The following SCAPER variants were observed in gnomAD, a reference collection of about 807,000 sequenced individuals.
SCAPER encodes S phase cyclin A-associated protein in the endoplasmic reticulum.
In SCAPER, 98 loss-of-function variants were observed where a neutral mutation model predicts 182.2. That is an observed-to-expected ratio of 0.54 (90% CI 0.46 to 0.64). The LOEUF (loss-of-function observed/expected upper bound fraction) is 0.64, where lower values mean the gene tolerates loss of function less well. SCAPER is among the 30% of genes least tolerant of loss of function. SCAPER has a pLI of 0.00. For missense variants in SCAPER, 1,432 were observed against 1,690.0 expected (o/e 0.85, Z 2.68); for synonymous variants, 605 against 564.6 (o/e 1.07, Z -1.01).
chr15:76,589,270 C>A (rs2048927336), intron 22 of SCAPER, among the ~76,000 whole-genome samples: 1 of 151,954 alleles, frequency 6.6e-6, no homozygotes, highest in South Asian at 2.1e-4. Flanking sequence ...TGGGTGGGGC[C>A]CAAGAACAGC....
chr15:76,495,726 T>A (rs537602083), intron 24 of SCAPER, among the ~76,000 whole-genome samples: 1 of 151,998 alleles, frequency 6.6e-6, no homozygotes, highest in African/African-American at 2.4e-5. Flanking sequence ...GGAACAAAAC[T>A]GCAACTCCAA....
intron 20 of SCAPER, among the ~76,000 whole-genome samples, 188 bp downstream of exon 20, chr15:76,701,570 T>A (rs2058951446): frequency 6.6e-6 from 1 of 152,204 alleles, no homozygotes; most frequent in Non-Finnish European, 1.5e-5. Context: ...TTTTTCTATC[T>A]TTCTTGTTAA....
rs114094722 is a variant in SCAPER, at chr15:76,825,401, C to T, written c.393+16333G>A. Among the ~76,000 whole-genome samples the T allele has an allele frequency of 8.1e-3, 1,228 of 152,300 alleles. 12 individuals are homozygous for T. The highest frequency in any genetic ancestry group is 0.028 in the African/African-American group (1,164 of 41,554). On this transcript the variant is annotated intron_variant, in intron 5 of 31. Transcript: ENST00000563290. ...ATCCTACAGCCAGAAGTTACCTCTCCTCCTACGGGCCGTATCAAGTATAAT... is the reference window on the plus strand; with the variant it reads ...ATCCTACAGCCAGAAGTTACCTCTCTTCCTACGGGCCGTATCAAGTATAAT...
At chr15:76,868,513 A>T (rs1325354922) in intron 2 of SCAPER, among the ~76,000 whole-genome samples, 1 of 152,214 alleles carries the variant, frequency 6.6e-6, no homozygotes, top group Admixed American at 6.5e-5. Context: ...AATCCAAAAA[A>T]GAAAATCAAG....
At chr15:76,692,914 T>A (rs771449275) in intron 20 of SCAPER, among the ~76,000 whole-genome samples, 1 of 151,912 alleles carries the variant, frequency 6.6e-6, no homozygotes, top group Non-Finnish European at 1.5e-5. Context: ...AGGATAATCA[T>A]GAAAAAAATG....
chr15:76,715,264 C>T (rs1431554959), intron 17 of SCAPER, among the ~76,000 whole-genome samples: 1 of 152,024 alleles, frequency 6.6e-6, no homozygotes, highest in Admixed American at 6.6e-5. Flanking sequence ...ATTGCACCCC[C>T]AGCACCACAG....
chr15:76,875,927 C>CGGG (rs1044930026), intron 2 of SCAPER, among the ~76,000 whole-genome samples: 2 of 151,540 alleles, frequency 1.3e-5, no homozygotes, highest in African/African-American at 4.9e-5. Flanking sequence ...CGGTGGGGGG[C>CGGG]GGGGTCAGGC....
At chr15:76,871,599 G>C (rs2072741099) in intron 2 of SCAPER, among the ~76,000 whole-genome samples, 1 of 139,940 alleles carries the variant, frequency 7.1e-6, no homozygotes, top group Middle Eastern at 3.4e-3. Context: ...TTTAGATGGA[G>C]TCTCACTCTG....
At chr15:76,611,449 A>T (rs577366098) in intron 22 of SCAPER, among the ~76,000 whole-genome samples, 13 of 151,752 alleles carry the variant, frequency 8.6e-5, no homozygotes, top group Non-Finnish European at 1.5e-4. Context: ...CCTACCACCC[A>T]AAAAAAAGCC....
At chr15:76,763,634 G>A (rs1446390565) in intron 14 of SCAPER, among the ~76,000 whole-genome samples, 7 of 151,900 alleles carry the variant, frequency 4.6e-5, no homozygotes, top group Non-Finnish European at 8.8e-5. Flanking sequence ...ATAAATCCCA[G>A]AGGCTTCCTT....
intron 23 of SCAPER, among the ~76,000 whole-genome samples, chr15:76,530,896 G>A (rs1160463330): frequency 1.3e-5 from 2 of 151,282 alleles, no homozygotes; most frequent in Admixed American, 6.6e-5. Flanking sequence ...ATGTTTGTGT[G>A]TATGTGTATA....
At chr15:76,638,856 A>G (rs1166626012) in intron 21 of SCAPER, among the ~76,000 whole-genome samples, 1 of 152,216 alleles carries the variant, frequency 6.6e-6, no homozygotes, top group Non-Finnish European at 1.5e-5. Flanking sequence ...AATATGTGAT[A>G]AGCACTTTAC....
intron 20 of SCAPER, among the ~76,000 whole-genome samples, chr15:76,687,249 T>C (rs1004277574): frequency 9.2e-5 from 14 of 152,232 alleles, no homozygotes; most frequent in African/African-American, 3.1e-4. Flanking sequence ...AATTAAGACA[T>C]TTGATCTAAT....
At chr15:76,753,737 A>G in intron 15 of SCAPER, 71 bp downstream of exon 15, 1 of 1,471,706 alleles carries the variant, frequency 6.8e-7, no homozygotes, top group Non-Finnish European at 9.2e-7. Flanking sequence ...ATTATCTTCT[A>G]TTACTATTAT....
intron 28 of SCAPER, chr15:76,380,782 C>T (rs1316848850): frequency 2.0e-5 from 3 of 152,026 alleles, no homozygotes; most frequent in Admixed American, 2.0e-4. Context: ...TAGCATAAAG[C>T]AATTCTTCTT....
chr15:76,462,876 A>G (rs937229799), intron 25 of SCAPER, among the ~76,000 whole-genome samples: 45 of 152,254 alleles, frequency 3.0e-4, no homozygotes, highest in Non-Finnish European at 5.3e-4. Flanking sequence ...AAATAATAGA[A>G]AGTTAACTTA....
At chr15:76,785,181 C>T (rs1053142731) in intron 8 of SCAPER, among the ~76,000 whole-genome samples, 1 of 151,990 alleles carries the variant, frequency 6.6e-6, no homozygotes, top group Non-Finnish European at 1.5e-5. Flanking sequence ...AACAAATTTA[C>T]AAGAAAAAAA....
At chr15:76,864,046 C>A (rs1288042456) in intron 2 of SCAPER, among the ~76,000 whole-genome samples, 1 of 152,116 alleles carries the variant, frequency 6.6e-6, no homozygotes, top group African/African-American at 2.4e-5. Flanking sequence ...TGCTGCCATG[C>A]CAGTACCCAA....
chr15:76,683,423 A>G (rs1036464564), intron 20 of SCAPER, among the ~76,000 whole-genome samples: 5 of 152,190 alleles, frequency 3.3e-5, no homozygotes, highest in African/African-American at 2.4e-5. Flanking sequence ...GACCAAATCA[A>G]TGATGCCATG....
Sources: allele counts gnomAD v4.1 joint callset (sites outside exome capture counted in the v4.1 genomes callset), GRCh38; gene constraint gnomAD v4.1.1; transcripts MANE v1.5; gene names NCBI Gene and HGNC (gene_info 2026-07-23, HGNC 2026-07-21).